PHC3: variants seen among roughly 807,000 people sequenced by gnomAD.
PHC3 encodes polyhomeotic homolog 3, also known as polyhomeotic-like protein 3.
In PHC3, 13 loss-of-function variants were observed where a neutral mutation model predicts 107.4. That is an observed-to-expected ratio of 0.12 (90% CI 0.08 to 0.19). The LOEUF (loss-of-function observed/expected upper bound fraction) is 0.19, where lower values mean the gene tolerates loss of function less well. PHC3 is among the 10% of genes least tolerant of loss of function. PHC3 has a pLI of 1.00. For missense variants in PHC3, 992 were observed against 1,210.9 expected (o/e 0.82, Z 2.68); for synonymous variants, 456 against 427.4 (o/e 1.07, Z -0.83).
chr3:170,105,017 C>CTGA (rs1476775484), intron 12 of PHC3, among the ~76,000 whole-genome samples: 1 of 152,216 alleles, frequency 6.6e-6, no homozygotes, highest in African/African-American at 2.4e-5. Flanking sequence ...ACCTAATCTA[C>CTGA]CCTCTCTCAT....
In PHC3 at chr3:170,149,102, T is replaced by C; in HGVS notation, c.557A>G (p.Tyr186Cys). ...ATATCTTACCATTTGAGCTCGGAGA[T>C]ACATTTGAGCTTGGCTTGCCGTTAG... The part of the protein sequence containing the change: ...PTLTASQAQM[Y>C]LRAQMLIFTP... Residue 186 changes from tyrosine to cysteine, a missense_variant, in exon 5 of 15, where the codon TAT (tyrosine) becomes TGT (cysteine). Physicochemically the swap from Tyr to Cys is radical, Grantham distance 194 (BLOSUM62 -2). Coordinates refer to ENST00000495893, the MANE Select transcript of PHC3 (RefSeq NM_024947.4). The C allele has an allele frequency of 6.2e-7, 1 of 1,612,994 alleles. No individual in the cohort carries two copies. The highest frequency in any genetic ancestry group is 8.5e-7 in the Non-Finnish European group (1 of 1,179,646).
At chr3:170,115,967 T>C (rs898182673) in intron 10 of PHC3, among the ~76,000 whole-genome samples, 1 of 152,098 alleles carries the variant, frequency 6.6e-6, no homozygotes, top group Admixed American at 6.5e-5. Context: ...TTTTCACCCA[T>C]GAATCTGAAA....
chr3:170,114,848 AT>A (rs1386091814), intron 10 of PHC3, among the ~76,000 whole-genome samples: 1 of 152,234 alleles, frequency 6.6e-6, no homozygotes, highest in African/African-American at 2.4e-5. Flanking sequence ...AAACTTCTAC[AT>A]TTAACTTTAG....
At chr3:170,167,002 CAA>C (rs1728844302) in intron 4 of PHC3, among the ~76,000 whole-genome samples, 1 of 152,164 alleles carries the variant, frequency 6.6e-6, no homozygotes. Context: ...AATAACCCTC[CAA>C]AAGAGTTGCA....
intron 4 of PHC3, among the ~76,000 whole-genome samples, chr3:170,149,457 ATTTT>A (rs1338197792): frequency 6.9e-6 from 1 of 145,900 alleles, no homozygotes; most frequent in East Asian, 2.0e-4. Flanking sequence ...AATCAGGGCA[ATTTT>A]TTTTTTTTTA....
At chr3:170,109,196 A>G (rs1417548280) in intron 11 of PHC3, among the ~76,000 whole-genome samples, 2 of 152,166 alleles carry the variant, frequency 1.3e-5, no homozygotes, top group East Asian at 3.8e-4. Context: ...ACAGCTGGTA[A>G]TTCTCCAGCA....
intron 8 of PHC3, among the ~76,000 whole-genome samples, chr3:170,128,089 T>C (rs977990540): frequency 2.6e-5 from 4 of 152,206 alleles, no homozygotes; most frequent in African/African-American, 9.6e-5. Context: ...AATAATTCTA[T>C]AAGATGGCCT....
intron 6 of PHC3, 100 bp from the exon 7 acceptor site, chr3:170,136,765 T>A: frequency 7.9e-7 from 1 of 1,259,626 alleles, no homozygotes; most frequent in Non-Finnish European, 1.1e-6. Context: ...ATTTATATTA[T>A]GCTTTTCATA....
At chr3:170,164,653 G>A (rs960966318) in intron 4 of PHC3, among the ~76,000 whole-genome samples, 1 of 152,054 alleles carries the variant, frequency 6.6e-6, no homozygotes, top group Non-Finnish European at 1.5e-5. Flanking sequence ...AGAGACCTCA[G>A]GACCAAGAAA....
chr3:170,125,884 T>C (rs1721162370), intron 8 of PHC3: 3 of 578,672 alleles, frequency 5.2e-6, no homozygotes, highest in African/African-American at 4.1e-5. Flanking sequence ...ACAAGATCAT[T>C]AGGAAACTGC....
intron 12 of PHC3, among the ~76,000 whole-genome samples, chr3:170,105,019 C>CTAA (rs1716209057): frequency 6.6e-6 from 1 of 152,202 alleles, no homozygotes; most frequent in African/African-American, 2.4e-5. Flanking sequence ...CTAATCTACC[C>CTAA]TCTCTCATCC....
intron 3 of PHC3, 111 bp from the exon 4 acceptor site, chr3:170,171,561 A>G: frequency 1.4e-6 from 1 of 706,896 alleles, no homozygotes; most frequent in East Asian, 3.1e-5. Context: ...CCTATGTATG[A>G]AACAACTAAT....
At chr3:170,164,441 CT>C (rs1313010999) in intron 4 of PHC3, among the ~76,000 whole-genome samples, 1 of 152,094 alleles carries the variant, frequency 6.6e-6, no homozygotes, top group Non-Finnish European at 1.5e-5. Flanking sequence ...CATTACAGAT[CT>C]TCTGCTTGCG....
chr3:170,156,645 T>C (rs1726948064), intron 4 of PHC3, among the ~76,000 whole-genome samples: 1 of 151,846 alleles, frequency 6.6e-6, no homozygotes, highest in Admixed American at 6.6e-5. Flanking sequence ...TCACCCAGGC[T>C]GGAGTGCAGT....
intron 2 of PHC3, among the ~76,000 whole-genome samples, chr3:170,178,010 T>C (rs1323267848): frequency 1.3e-5 from 2 of 152,040 alleles, no homozygotes; most frequent in African/African-American, 2.4e-5. Context: ...GCTGTTGCTG[T>C]GGTTAAATGT....
rs533000279 is a variant in PHC3 at position 170,163,154 on chromosome 3, G to A, written c.414+8219C>T. ...AGGATTTGGCGAATATTAAACGCTC[G>A]ATAAATATTTGATGACTGAATGAGT... On this transcript the variant is annotated intron_variant, in intron 4 of 14. Transcript: ENST00000495893. Among the ~76,000 whole-genome samples the A allele has an allele frequency of 1.2e-4, 19 of 152,082 alleles. 1 individual carries two copies. Among genetic ancestry groups the A allele is most frequent in the South Asian group, 6.2e-4 (3 of 4,828 alleles).
chr3:170,097,295 T>C lies in PHC3; in HGVS notation c.2923A>G (p.Met975Val), dbSNP rs1190382024. 2.5e-6 allele frequency: 4 copies of C among 1,613,616 alleles called. No homozygotes were observed. Among genetic ancestry groups the C allele is most frequent in the Admixed American group, 1.7e-5 (1 of 59,996 alleles). ...LLKEDHLMSA[M>V]NIKLGPALKI... ...AGGGCTGGGCCTAGCTTGATATTCATTGCACTCATGAGATGGTCTTCTTTC... is the reference window on the plus strand; with the variant it reads ...AGGGCTGGGCCTAGCTTGATATTCACTGCACTCATGAGATGGTCTTCTTTC... Residue 975 changes from methionine (M) to valine (V), a missense_variant, in exon 15 of 15, where the codon ATG (methionine) becomes GTG (valine). This residue lies in a region of PHC3 where 21 missense variants were observed against 52.5 expected (regional missense o/e 0.40). Coordinates refer to ENST00000495893, the MANE Select transcript of PHC3 (RefSeq NM_024947.4). This position sits in a 1 kb window ranked among gnomAD's most constrained non-coding sequence, Gnocchi z 4.1.
rs953048116 is a variant in PHC3 at position 170,097,969 on chromosome 3, A to G, written c.2834-585T>C. Among the ~76,000 whole-genome samples, 3 of 152,160 alleles carry G rather than the reference A, an allele frequency of 2.0e-5. No individual in the cohort carries two copies. Among genetic ancestry groups the G allele is most frequent in the Non-Finnish European group, 4.4e-5 (3 of 68,030 alleles). Reference sequence around the variant, plus strand: ...TTTCTCAAGACTGTATTACCAATCTATTGCAATGCTGCTGAAATGTATTAC... The same window carrying G: ...TTTCTCAAGACTGTATTACCAATCTGTTGCAATGCTGCTGAAATGTATTAC... On this transcript the variant is annotated intron_variant, in intron 14 of 14. Transcript: ENST00000495893. This position sits in a 1 kb window ranked among gnomAD's most constrained non-coding sequence, Gnocchi z 4.1.
chr3:170,179,827 A>G (rs1731091333), intron 1 of PHC3, among the ~76,000 whole-genome samples: 1 of 152,228 alleles, frequency 6.6e-6, no homozygotes, highest in South Asian at 2.1e-4. Flanking sequence ...GTTAGAAACC[A>G]GAAGAGCAGT....
Sources: allele counts gnomAD v4.1 joint callset (sites outside exome capture counted in the v4.1 genomes callset), GRCh38; gene constraint gnomAD v4.1.1; regional missense constraint gnomAD v4.1.1; non-coding constraint Gnocchi (gnomAD v3.1); transcripts MANE v1.5; gene names NCBI Gene and HGNC (gene_info 2026-07-23, HGNC 2026-07-21).